The following RBM46 variants were observed in gnomAD, a reference collection of about 807,000 sequenced individuals.
The protein encoded by RBM46 is RNA binding motif protein 46.
A neutral mutation model predicts 43.3 loss-of-function variants in RBM46; 12 were observed. The observed-to-expected ratio is 0.28, with a 90% CI of 0.18 to 0.45. The LOEUF (loss-of-function observed/expected upper bound fraction) is 0.45, where lower values mean the gene tolerates loss of function less well. Ranked by LOEUF, RBM46 falls within the 20% of genes least tolerant of loss-of-function variation. RBM46 has a pLI of 1.00. For synonymous variants in RBM46, 205 were observed against 207.6 expected (o/e 0.99, Z 0.11); for missense variants, 412 against 639.1 (o/e 0.64, Z 3.83).
chr4:154,806,613 C>A (rs997195925), intron 4 of RBM46, among the ~76,000 whole-genome samples: 129 of 151,682 alleles, frequency 8.5e-4, no homozygotes, highest in African/African-American at 2.9e-3. Context: ...TTATGGAATT[C>A]AAAGCTTATG....
At chr4:154,800,552 CAT>C (rs1326236916) in intron 4 of RBM46, among the ~76,000 whole-genome samples, 1 of 152,176 alleles carries the variant, frequency 6.6e-6, no homozygotes, top group African/African-American at 2.4e-5. Context: ...AAGGAAGAGA[CAT>C]AATATCACTA....
chr4:154,819,792 G>C (rs1237214428), intron 4 of RBM46, among the ~76,000 whole-genome samples: 1 of 151,952 alleles, frequency 6.6e-6, no homozygotes, highest in Non-Finnish European at 1.5e-5. Flanking sequence ...CATATGAAGA[G>C]GTAACCACTA....
intron 4 of RBM46, among the ~76,000 whole-genome samples, chr4:154,818,660 A>G (rs552313421): frequency 6.6e-6 from 1 of 151,130 alleles, no homozygotes; most frequent in African/African-American, 2.4e-5. Context: ...TGTGTTTTCA[A>G]ATACTGCATT....
At chr4:154,826,483 A>G (rs1735970326) in intron 4 of RBM46, among the ~76,000 whole-genome samples, 1 of 152,120 alleles carries the variant, frequency 6.6e-6, no homozygotes, top group South Asian at 2.1e-4. Flanking sequence ...AGATAAATAA[A>G]TAAATAAATT....
chr4:154,827,214 T>C, intron 4 of RBM46: 1 of 897,730 alleles, frequency 1.1e-6, no homozygotes, highest in Non-Finnish European at 1.3e-6. Context: ...TTTTCTGTAC[T>C]ATAAGTTGAT....
At chr4:154,807,619 T>A (rs925355825) in intron 4 of RBM46, among the ~76,000 whole-genome samples, 3 of 151,922 alleles carry the variant, frequency 2.0e-5, no homozygotes, top group Admixed American at 1.3e-4. Flanking sequence ...CCCTTACTAG[T>A]TAATATCTGA....
At chr4:154,783,540 C>G (rs1733610062) in intron 1 of RBM46, among the ~76,000 whole-genome samples, 1 of 152,128 alleles carries the variant, frequency 6.6e-6, no homozygotes, top group South Asian at 2.1e-4. Flanking sequence ...AAAATGTGAT[C>G]TCTATGTTCA....
chr4:154,815,633 G>GC (rs1363766794), intron 4 of RBM46, among the ~76,000 whole-genome samples: 4 of 151,764 alleles, frequency 2.6e-5, no homozygotes, highest in Non-Finnish European at 4.4e-5. Flanking sequence ...TTCAAGTCTT[G>GC]CTCCTTCATT....
intron 4 of RBM46, among the ~76,000 whole-genome samples, chr4:154,821,090 A>C (rs930077812): frequency 3.3e-5 from 5 of 151,762 alleles, no homozygotes; most frequent in Non-Finnish European, 7.4e-5. Flanking sequence ...ATTCAGTTGT[A>C]CTAATCTTGT....
chr4:154,792,946 C>T lies in RBM46; in HGVS notation c.-11-3796C>T, dbSNP rs148171938. On this transcript the variant is annotated intron_variant, in intron 1 of 4. Coordinates refer to ENST00000281722, the MANE Select transcript of RBM46 (RefSeq NM_144979.5). ...TTTTTATTTAATTGAGTAGCACATGCTCTTGATAATCACAGAAAAGTGAGA... is the reference window on the plus strand; with the variant it reads ...TTTTTATTTAATTGAGTAGCACATGTTCTTGATAATCACAGAAAAGTGAGA... 7.8e-4 allele frequency among the ~76,000 whole-genome samples: 119 copies of T among 152,278 alleles called. 1 individual carries two copies. The highest frequency in any genetic ancestry group is 2.4e-3 in the Admixed American group (36 of 15,294).
At chr4:154,827,208 C>G in intron 4 of RBM46, 1 of 895,026 alleles carries the variant, frequency 1.1e-6, no homozygotes, top group Non-Finnish European at 1.3e-6. Flanking sequence ...GGATATTTTT[C>G]TGTACTATAA....
At position 154,798,058 on chromosome 4, in the gene RBM46, T is replaced by C. The variant is rs1287203846; in HGVS notation, c.399T>C (p.Gly133=). The change falls in exon 3 of 5, where the codon GGT becomes GGC. Residue 133 remains glycine, a synonymous_variant. Coordinates refer to ENST00000281722, the MANE Select transcript of RBM46 (RefSeq NM_144979.5). ...AAATTCGACCAGGGAAGTTTATTGG[T>C]GTGTGTGTAAGCCTGGATAATTGTA... The part of the protein sequence containing the change: ...NYEIRPGKFI[G]VCVSLDNCRL... 6.2e-7 allele frequency: 1 copy of C among 1,613,550 alleles called. No homozygotes were observed. The highest frequency in any genetic ancestry group is 8.5e-7 in the Non-Finnish European group (1 of 1,179,636).
chr4:154,819,655 A>T (rs1007219274), intron 4 of RBM46, among the ~76,000 whole-genome samples: 1 of 152,186 alleles, frequency 6.6e-6, no homozygotes, highest in Non-Finnish European at 1.5e-5. Context: ...CTGAATTATA[A>T]TCTTTAGATG....
intron 1 of RBM46, among the ~76,000 whole-genome samples, chr4:154,788,290 G>C (rs1733887797): frequency 6.6e-6 from 1 of 152,088 alleles, no homozygotes; most frequent in Non-Finnish European, 1.5e-5. Flanking sequence ...GTATTGCCTA[G>C]GTTTTCTTCT....
intron 4 of RBM46, among the ~76,000 whole-genome samples, chr4:154,805,725 A>T (rs990516160): frequency 6.6e-6 from 1 of 151,988 alleles, no homozygotes; most frequent in Non-Finnish European, 1.5e-5. Flanking sequence ...AGATAAAAAT[A>T]TTCCAAACCA....
At chr4:154,826,086 A>G (rs1231853566) in intron 4 of RBM46, among the ~76,000 whole-genome samples, 2 of 151,880 alleles carry the variant, frequency 1.3e-5, no homozygotes, top group Non-Finnish European at 2.9e-5. Context: ...TTGGGAATAC[A>G]TGGAGCCGGT....
At chr4:154,791,706 G>A (rs1168744868) in intron 1 of RBM46, among the ~76,000 whole-genome samples, 2 of 152,116 alleles carry the variant, frequency 1.3e-5, no homozygotes, top group East Asian at 3.8e-4. Context: ...TTGCTCTAGA[G>A]GATAATGAGT....
rs1734112761 is a variant in RBM46 at position 154,791,915 on chromosome 4, A to C, written c.-11-4827A>C. Among the ~76,000 whole-genome samples, 8 of 152,308 alleles carry C rather than the reference A, an allele frequency of 5.3e-5. No individual in the cohort carries two copies. In the South Asian group the frequency reaches 1.7e-3, roughly 32 times the overall value. ...GTTAATACAATGTTTGGGTTGTTTT[A>C]AAAGCATGAAATAGTTTTTCGGAGA... is the stretch of plus-strand genomic sequence containing the variant. On this transcript the variant is annotated intron_variant, in intron 1 of 4. Coordinates refer to ENST00000281722, the MANE Select transcript of RBM46 (RefSeq NM_144979.5).
At chr4:154,788,399 C>A (rs200830198) in intron 1 of RBM46, among the ~76,000 whole-genome samples, 13 of 152,118 alleles carry the variant, frequency 8.5e-5, no homozygotes, top group East Asian at 3.9e-4. Context: ...TCAGCTTTCT[C>A]CATATGGCTA....
Sources: gnomAD v4.1 joint callset for allele counts (sites outside exome capture counted in the v4.1 genomes callset) on GRCh38, gnomAD v4.1.1 for gene constraint, MANE v1.5 for transcripts, NCBI Gene and HGNC (gene_info 2026-07-23, HGNC 2026-07-21) for gene names.